The following PCDH7 variants were observed in gnomAD, a reference collection of about 807,000 sequenced individuals.
PCDH7 encodes the protein protocadherin 7, also known as protocadherin-7.
A neutral mutation model predicts 58.9 loss-of-function variants in PCDH7; 17 were observed. That is an observed-to-expected ratio of 0.29 (90% confidence interval 0.20 to 0.43). The LOEUF (loss-of-function observed/expected upper bound fraction) is 0.43, where lower values mean the gene tolerates loss of function less well. Ranked by LOEUF, PCDH7 falls within the 20% of genes least tolerant of loss-of-function variation. PCDH7 has a pLI of 1.00. For missense variants in PCDH7, 1,274 were observed against 1,441.0 expected, an observed-to-expected ratio of 0.88 and a Z score of 1.88; for synonymous variants, 664 against 616.4, an observed-to-expected ratio of 1.08 and a Z score of -1.14.
At chr4:31,109,860 G>T (rs1242432529) in intron 3 of PCDH7, among the ~76,000 whole-genome samples, 1 of 152,128 alleles carries the variant, frequency 6.6e-6, no homozygotes, top group Non-Finnish European at 1.5e-5. Flanking sequence ...TTATAAATTG[G>T]CTTCCATATC....
At chr4:30,933,627 C>T (rs1744960906) in intron 2 of PCDH7, among the ~76,000 whole-genome samples, 1 of 152,122 alleles carries the variant, frequency 6.6e-6, no homozygotes, top group Non-Finnish European at 1.5e-5. Flanking sequence ...CTCCTTGCTT[C>T]TGGTCCATTC....
Position 30,922,500 on chromosome 4 carries a change from A to G in PCDH7, c.287+2131A>G, listed in dbSNP as rs186108215. Among the ~76,000 whole-genome samples, 11 of 152,258 alleles carry G rather than the reference A, an allele frequency of 7.2e-5. No individual in the cohort carries two copies. In the East Asian group the frequency reaches 1.7e-3, roughly 24 times the overall value. ...TCACCTTTAAAATAAGAAAGAAATG[A>G]TGAATAATTAAAAGATAATTATATA... On this transcript the variant is annotated intron_variant, in intron 2 of 3. Coordinates refer to the PCDH7 transcript ENST00000509759.
At chr4:30,725,138 A>G (rs541310940) in intron 1 of PCDH7, 5 of 999,638 alleles carry the variant, frequency 5.0e-6, no homozygotes, top group Admixed American at 6.1e-5. Flanking sequence ...AATACTGACT[A>G]CTTTGATGAA....
chr4:30,907,401 A>G (rs1026903491), intron 1 of PCDH7, among the ~76,000 whole-genome samples: 3 of 152,188 alleles, frequency 2.0e-5, no homozygotes, highest in African/African-American at 7.2e-5. Context: ...ACTTAAACAA[A>G]TTTACAAGAA....
chr4:30,919,932 C>A (rs1306097425), intron 1 of PCDH7, among the ~76,000 whole-genome samples: 1 of 152,060 alleles, frequency 6.6e-6, no homozygotes, highest in Admixed American at 6.5e-5. Flanking sequence ...TTTTTTATCT[C>A]TGTTTCTGAA....
chr4:30,856,605 G>T (rs535042367), intron 1 of PCDH7, among the ~76,000 whole-genome samples: 1 of 151,134 alleles, frequency 6.6e-6, no homozygotes, highest in Non-Finnish European at 1.5e-5. Flanking sequence ...TGATACATAC[G>T]TGTATAGGCA....
intron 3 of PCDH7, among the ~76,000 whole-genome samples, chr4:31,000,881 A>G (rs2109137287): frequency 6.6e-6 from 1 of 152,206 alleles, no homozygotes; most frequent in East Asian, 1.9e-4. Flanking sequence ...TTTAGTGTAA[A>G]CTATTCTTTA....
At chr4:31,051,724 C>T (rs1335293642) in intron 3 of PCDH7, among the ~76,000 whole-genome samples, 2 of 151,742 alleles carry the variant, frequency 1.3e-5, no homozygotes, top group Non-Finnish European at 2.9e-5. Context: ...ATAGCAGTCT[C>T]GAGTTGCTAA....
intron 3 of PCDH7, among the ~76,000 whole-genome samples, chr4:31,014,211 G>GA (rs71190484): frequency 0.045 from 6,773 of 151,330 alleles, 364 homozygotes; most frequent in East Asian, 0.28. Flanking sequence ...CAGGGAAACA[G>GA]AAAAAAAATA....
chr4:30,874,927 A>T (rs146683145), intron 1 of PCDH7, among the ~76,000 whole-genome samples: 365 of 152,088 alleles, frequency 2.4e-3, no homozygotes, highest in African/African-American at 8.5e-3. Flanking sequence ...TCCTGAATAT[A>T]TACTGGCGCT....
intron 3 of PCDH7, among the ~76,000 whole-genome samples, chr4:30,986,817 C>G (rs2109117731): frequency 6.6e-6 from 1 of 151,930 alleles, no homozygotes; most frequent in South Asian, 2.1e-4. Flanking sequence ...CCCGTCTCTA[C>G]TAAAAATACA....
chr4:30,913,325 A>G (rs1235685200), intron 1 of PCDH7, among the ~76,000 whole-genome samples: 1 of 152,072 alleles, frequency 6.6e-6, no homozygotes, highest in Non-Finnish European at 1.5e-5. Flanking sequence ...ATAAAAATGA[A>G]GTCACAAAAC....
chr4:30,763,405 C>G (rs6828872), intron 1 of PCDH7, among the ~76,000 whole-genome samples: 82,322 of 151,984 alleles, frequency 0.54, 22,921 homozygotes, highest in African/African-American at 0.67. Flanking sequence ...TGATCTTTAT[C>G]TAAACAATGC....
intron 3 of PCDH7, among the ~76,000 whole-genome samples, chr4:30,990,048 A>G (rs1751333198): frequency 6.6e-6 from 1 of 152,122 alleles, no homozygotes; most frequent in African/African-American, 2.4e-5. Flanking sequence ...CTGAAGGACC[A>G]TATACAAAAT....
intron 1 of PCDH7, among the ~76,000 whole-genome samples, chr4:30,899,927 A>G (rs1474026095): frequency 6.6e-6 from 1 of 152,176 alleles, no homozygotes; most frequent in African/African-American, 2.4e-5. Context: ...GATAATAACA[A>G]TAATAATAAT....
intron 1 of PCDH7, among the ~76,000 whole-genome samples, chr4:30,830,524 C>T (rs189732089): frequency 4.6e-5 from 7 of 152,050 alleles, no homozygotes; most frequent in Admixed American, 3.3e-4. Flanking sequence ...TCATCCTTCA[C>T]GCTCCTTTTG....
chr4:30,831,649 C>CTT (rs1003583870), intron 1 of PCDH7, among the ~76,000 whole-genome samples: 1 of 152,122 alleles, frequency 6.6e-6, no homozygotes, highest in African/African-American at 2.4e-5. Flanking sequence ...CACCCTCTCT[C>CTT]ATCAGGCTAA....
intron 3 of PCDH7, among the ~76,000 whole-genome samples, chr4:31,034,038 G>C (rs1226953115): frequency 6.6e-6 from 1 of 152,154 alleles, no homozygotes; most frequent in African/African-American, 2.4e-5. Context: ...AGGTTGCAGT[G>C]CGTGGAAATC....
chr4:30,745,615 A>G (rs1228207505), intron 1 of PCDH7, among the ~76,000 whole-genome samples: 1 of 152,056 alleles, frequency 6.6e-6, no homozygotes, highest in Non-Finnish European at 1.5e-5. Context: ...AGGCAAAACA[A>G]TCCTGGTCGA....
Sources: gnomAD v4.1 joint callset for allele counts (sites outside exome capture counted in the v4.1 genomes callset) on GRCh38, gnomAD v4.1.1 for gene constraint, MANE v1.5 for transcripts, NCBI Gene and HGNC (gene_info 2026-07-23, HGNC 2026-07-21) for gene names.